FRMPD4: variants seen among roughly 807,000 people sequenced by gnomAD.
FRMPD4 encodes the protein FERM and PDZ domain containing 4.
Under a neutral mutation model 94.1 loss-of-function variants are expected in FRMPD4, and 22 were observed. The observed-to-expected ratio is 0.23, with a 90% confidence interval of 0.17 to 0.33. The LOEUF is 0.33. Ranked by LOEUF, FRMPD4 falls within the 10% of genes least tolerant of loss-of-function variation. FRMPD4 has a pLI of 1.00. For missense variants in FRMPD4, 1,111 were observed against 1,339.9 expected (o/e 0.83, Z 2.67); for synonymous variants, 631 against 548.6 (o/e 1.15, Z -2.10).
chrX:12,124,345 G>C (rs780273675), intron 3 of FRMPD4, among the ~76,000 whole-genome samples: 78 of 111,998 alleles, frequency 7.0e-4, no homozygotes, highest in African/African-American at 2.5e-3. Flanking sequence ...TAGAAGGTAG[G>C]TTCTACAATG....
chrX:12,707,797 G>T, intron 13 of FRMPD4, 146 bp downstream of exon 13: 1 of 448,786 alleles, frequency 2.2e-6, no homozygotes. Flanking sequence ...ACCAACTCAG[G>T]CCTGAGGGCT....
intron 3 of FRMPD4, among the ~76,000 whole-genome samples, chrX:12,019,639 C>CT (rs749892439): frequency 2.1e-4 from 22 of 103,794 alleles, no homozygotes; most frequent in East Asian, 6.0e-4. Context: ...GGACTGCTCA[C>CT]TTTTTTTTTT....
At chrX:12,470,707 C>T (rs987692820) in intron 1 of FRMPD4, among the ~76,000 whole-genome samples, 5 of 111,688 alleles carry the variant, frequency 4.5e-5, no homozygotes, top group Non-Finnish European at 7.5e-5. Context: ...AAAATTCCCT[C>T]GGGACAATAT....
intron 3 of FRMPD4, among the ~76,000 whole-genome samples, chrX:11,953,414 A>G (rs2054236561): frequency 8.9e-6 from 1 of 111,835 alleles, no homozygotes; most frequent in African/African-American, 3.3e-5. Context: ...GCATTTTCTG[A>G]CAATGGAATT....
In FRMPD4 at chrX:12,138,997, T is replaced by C. The variant is rs377747533; in HGVS notation, c.26T>C (p.Ile9Thr). ...ATGGATGTCTTCAGCTTTGTGAAGA[T>C]TGCAAAGCTTTCGAGGTAGGGGCTG... Reference protein sequence around the residue: MDVFSFVKIAKLSSHRTKS... With the variant: MDVFSFVKTAKLSSHRTKS... Residue 9 changes from isoleucine (I) to threonine (T), a missense_variant, in exon 1 of 17, where the codon ATT becomes ACT. This residue lies in a region of FRMPD4 where 140 missense variants were observed against 165.9 expected (regional missense o/e 0.84). Transcript: ENST00000675598. 107 of 1,168,330 alleles carry C rather than the reference T, an allele frequency of 9.2e-5. No individual in the cohort carries two copies. The highest frequency in any genetic ancestry group is 1.1e-4 in the Non-Finnish European group (92 of 873,707).
At chrX:12,267,100 C>T (rs185501399) in intron 1 of FRMPD4, among the ~76,000 whole-genome samples, 2 of 111,814 alleles carry the variant, frequency 1.8e-5, no homozygotes, top group African/African-American at 6.5e-5. Context: ...ATCAGAATTC[C>T]AAATGCAAGG....
At chrX:12,217,686 A>G (rs1256196263) in intron 1 of FRMPD4, among the ~76,000 whole-genome samples, 1 of 112,088 alleles carries the variant, frequency 8.9e-6, no homozygotes, top group Non-Finnish European at 1.9e-5. Flanking sequence ...TGCTGGCTAA[A>G]TCCAGCCCTT....
chrX:12,084,186 G>GT (rs1004870438), intron 3 of FRMPD4, among the ~76,000 whole-genome samples: 8 of 95,239 alleles, frequency 8.4e-5, no homozygotes, highest in African/African-American at 7.6e-5. Flanking sequence ...GTGGGGGGGG[G>GT]GGTAATTGAA....
At chrX:12,404,691 A>G (rs2056647580) in intron 1 of FRMPD4, among the ~76,000 whole-genome samples, 1 of 111,777 alleles carries the variant, frequency 8.9e-6, no homozygotes, top group East Asian at 2.8e-4. Context: ...GTTGTACTCT[A>G]TGTGTTTCTT....
At position 12,720,739 on chromosome X, in the gene FRMPD4, G is replaced by T; in HGVS notation, c.4170G>T (p.Gly1390=). Residue 1390 remains glycine, a synonymous_variant, in exon 17 of 17, where the codon GGG becomes GGT. Coordinates refer to ENST00000675598, the MANE Select transcript of FRMPD4 (RefSeq NM_001368397.1). ...VSWRPPDLRG[G]SLRTPPSQKA... The stretch of plus-strand genomic sequence containing the variant: ...GGCGGCCACCGGATCTGAGAGGGGG[G>T]AGCCTCAGGACACCTCCCAGCCAGA... The T allele has an allele frequency of 1.9e-6, 2 of 1,067,180 alleles. No individual in the cohort carries two copies. The highest frequency in any genetic ancestry group is 2.4e-6 in the Non-Finnish European group (2 of 828,710). The allele number at this position is 1,067,180 out of a possible 1,213,427, so 87.9% of individuals were successfully genotyped here.
chrX:12,497,081 G>A (rs951733608), intron 1 of FRMPD4, among the ~76,000 whole-genome samples: 1 of 111,360 alleles, frequency 9.0e-6, no homozygotes, highest in Non-Finnish European at 1.9e-5. Flanking sequence ...AAAGGAAAAG[G>A]AAAAGGAAAG....
chrX:12,631,260 A>T (rs1423287298), intron 4 of FRMPD4, among the ~76,000 whole-genome samples: 1 of 111,658 alleles, frequency 9.0e-6, no homozygotes, highest in Non-Finnish European at 1.9e-5. Context: ...GTTAGCCTTC[A>T]GGCCTACCAC....
At chrX:12,176,626 A>G (rs184082583) in intron 1 of FRMPD4, among the ~76,000 whole-genome samples, 1 of 112,603 alleles carries the variant, frequency 8.9e-6, no homozygotes, top group African/African-American at 3.2e-5. Flanking sequence ...TTTTAGGACA[A>G]TGATTAATAT....
chrX:12,684,302 C>T (rs961372292), intron 6 of FRMPD4, among the ~76,000 whole-genome samples: 7 of 112,202 alleles, frequency 6.2e-5, no homozygotes, highest in African/African-American at 1.9e-4. Flanking sequence ...AATGCCAGAG[C>T]GTTGGTGTTC....
At chrX:12,394,020 T>G (rs962271847) in intron 1 of FRMPD4, among the ~76,000 whole-genome samples, 3 of 111,286 alleles carry the variant, frequency 2.7e-5, no homozygotes, top group African/African-American at 9.8e-5. Flanking sequence ...ATATAAACCA[T>G]ATGGTGATAT....
chrX:12,723,340 C>A lies in FRMPD4; in HGVS notation c.*1482C>A, dbSNP rs550160655. On this transcript the variant is annotated 3_prime_UTR_variant, in exon 17 of 17. Coordinates refer to ENST00000675598, the MANE Select transcript of FRMPD4 (RefSeq NM_001368397.1). ...TCCTTAAGAACATGATGGGAGTACA[C>A]CAGGTGCAAATATTTCTACTTTTGT... 54 of 110,989 alleles carry A rather than the reference C, an allele frequency of 4.9e-4. No homozygotes were observed. Among genetic ancestry groups the A allele is most frequent in the African/African-American group, 1.7e-3 (52 of 30,449 alleles). The allele number at this position is 110,989 out of a possible 1,213,427, so 9.1% of individuals were successfully genotyped here. A position where few individuals can be genotyped will look rare whatever the true frequency, so the allele number is the denominator to read the frequency against.
chrX:11,975,644 G>T (rs1005687451), intron 3 of FRMPD4, among the ~76,000 whole-genome samples: 2 of 111,140 alleles, frequency 1.8e-5, no homozygotes, highest in Admixed American at 9.5e-5. Context: ...TCTATTTCTG[G>T]TGAGTAATGA....
intron 1 of FRMPD4, among the ~76,000 whole-genome samples, chrX:12,211,880 C>T (rs898100402): frequency 2.7e-5 from 3 of 112,122 alleles, no homozygotes; most frequent in Admixed American, 9.5e-5. Flanking sequence ...TTATTCCTTT[C>T]AGCTTAAAAT....
intron 3 of FRMPD4, among the ~76,000 whole-genome samples, chrX:11,984,918 C>G (rs2054419550): frequency 8.9e-6 from 1 of 111,829 alleles, no homozygotes; most frequent in African/African-American, 3.3e-5. Context: ...GTACAAATGA[C>G]CAACAAACAC....
Sources: allele counts gnomAD v4.1 joint callset (sites outside exome capture counted in the v4.1 genomes callset), GRCh38; gene constraint gnomAD v4.1.1; regional missense constraint gnomAD v4.1.1; transcripts MANE v1.5; gene names NCBI Gene and HGNC (gene_info 2026-07-23, HGNC 2026-07-21).